ACACA: variants seen among roughly 807,000 people sequenced by gnomAD.
ACACA encodes the protein acetyl-CoA carboxylase alpha.
ACACA carries 103 observed loss-of-function variants against 296.1 expected under a neutral mutation model. The ratio of observed to expected loss-of-function variants is 0.35; its 90% CI spans 0.30 to 0.41. ACACA has a LOEUF of 0.41. Among genes scored for constraint, ACACA ranks in the 10% least tolerant of loss-of-function variants. The probability of loss-of-function intolerance (pLI) is 1.00; values close to 1 mark genes in which losing one functional copy is unlikely to be tolerated. For missense variants in ACACA, 1,554 were observed against 2,989.7 expected, an observed-to-expected ratio of 0.52 and a Z score of 11.20; for synonymous variants, 953 against 1,038.6, an observed-to-expected ratio of 0.92 and a Z score of 1.58.
At chr17:37,248,530 C>T in intron 17 of ACACA, 63 bp downstream of exon 17, 1 of 1,273,130 alleles carries the variant, frequency 7.9e-7, no homozygotes, top group Admixed American at 1.7e-5. Context: ...TTTCTCCTGC[C>T]TCTCAACCTA....
chr17:37,311,749 G>C (rs992046700), intron 3 of ACACA, among the ~76,000 whole-genome samples: 2 of 151,894 alleles, frequency 1.3e-5, no homozygotes, highest in African/African-American at 4.8e-5. Flanking sequence ...GCGCGCACCT[G>C]TAATCCCAGC....
At chr17:37,230,010 G>T (rs1318300478) in intron 25 of ACACA, among the ~76,000 whole-genome samples, 1 of 151,938 alleles carries the variant, frequency 6.6e-6, no homozygotes, top group Non-Finnish European at 1.5e-5. Flanking sequence ...GCAGTGAGCT[G>T]AGATTGCGTC....
rs373164537 is a variant in ACACA at position 37,211,715 on chromosome 17, C to T, written c.3684-1225G>A. Among the ~76,000 whole-genome samples, 21 of 152,232 alleles carry T rather than the reference C, an allele frequency of 1.4e-4. No individual in the cohort carries two copies. In the East Asian group the frequency reaches 4.1e-3, roughly 29 times the overall value. On this transcript the variant is annotated intron_variant, in intron 29 of 55. Transcript: ENST00000616317. ...GAAGGAGCAGAATAGACTGAGCAGG[C>T]CATATAAATAAAAAGCTGTGACATA...
At chr17:37,333,013 G>A (rs1488078007) in intron 2 of ACACA, among the ~76,000 whole-genome samples, 1 of 151,866 alleles carries the variant, frequency 6.6e-6, no homozygotes, top group Non-Finnish European at 1.5e-5. Flanking sequence ...AAGTTCCTTT[G>A]TAGAAAAAGG....
intron 3 of ACACA, among the ~76,000 whole-genome samples, chr17:37,322,020 G>A (rs2047382300): frequency 6.6e-6 from 1 of 151,754 alleles, no homozygotes; most frequent in Admixed American, 6.6e-5. Flanking sequence ...TAGTATCATG[G>A]GAGAAACTTT....
At position 37,235,093 on chromosome 17, in the gene ACACA, T is replaced by C. The variant is rs756018152; in HGVS notation, c.3128A>G (p.Tyr1043Cys). 2 of 1,613,538 alleles carry C rather than the reference T, an allele frequency of 1.2e-6. No individual in the cohort carries two copies. Among genetic ancestry groups the C allele is most frequent in the Non-Finnish European group, 1.7e-6 (2 of 1,179,920 alleles). ...TCGGAGGGCGAATACACATTTGTCA[T>C]AGTGACCTGCACACCATGAAAAGAA... ...RVETQFQNGH[Y>C]DKCVFALREE... The change falls in exon 25 of 56, where the codon TAT becomes TGT. Residue 1043 changes from tyrosine to cysteine, a missense_variant. Transcript: ENST00000616317.
chr17:37,183,550 C>T (rs1288966956), intron 39 of ACACA, among the ~76,000 whole-genome samples: 2 of 152,064 alleles, frequency 1.3e-5, no homozygotes, highest in African/African-American at 2.4e-5. Context: ...ACTAGAGGGC[C>T]GGGCGCAGTG....
Position 37,245,167 on chromosome 17 carries a change from G to A in ACACA, c.2508C>T (p.Ile836=). The A allele has an allele frequency of 6.2e-7, 1 of 1,614,104 alleles. No individual in the cohort carries two copies. The highest frequency in any genetic ancestry group is 8.5e-7 in the Non-Finnish European group (1 of 1,180,004). ...CTGCTCCAGGTCGCTTGACGTAATG[G>A]ATACAGCCAGACTCCACAGCTGTTA... The part of the protein sequence containing the change: ...MTLTAVESGC[I]HYVKRPGAAL... The change falls in exon 20 of 56, where the codon ATC becomes ATT. Residue 836 remains isoleucine (I), a synonymous_variant. Coordinates refer to ENST00000616317, the MANE Select transcript of ACACA (RefSeq NM_198834.3).
chr17:37,203,724 C>G (rs1438217668), intron 33 of ACACA, among the ~76,000 whole-genome samples: 2 of 151,974 alleles, frequency 1.3e-5, no homozygotes, highest in Non-Finnish European at 2.9e-5. Context: ...GCCTGGGCAA[C>G]AAGAGTGAAA....
In ACACA at chr17:37,226,464, T is replaced by C. The variant is rs763580739; in HGVS notation, c.3247-12A>G. ...CCACACAACTGATCCTAATTGTTAA[T>C]GTAAAAAAGAACATAGATAGTCATA... On this transcript the variant is annotated splice_polypyrimidine_tract_variant and intron_variant, in intron 25 of 55. Transcript: ENST00000616317. The C allele has an allele frequency of 3.1e-6, 5 of 1,598,982 alleles. No homozygotes were observed. The South Asian group carries it at 3.3e-5, about 11-fold the overall frequency.
chr17:37,089,511 C>T (rs2072465201), intron 54 of ACACA, among the ~76,000 whole-genome samples: 2 of 152,172 alleles, frequency 1.3e-5, no homozygotes, highest in Non-Finnish European at 2.9e-5. Context: ...GACACAATGC[C>T]TAAAGTATAA....
chr17:37,241,524 G>C (rs576943616), intron 23 of ACACA, among the ~76,000 whole-genome samples: 4 of 152,060 alleles, frequency 2.6e-5, no homozygotes, highest in Non-Finnish European at 5.9e-5. Context: ...GGGCAACATG[G>C]CAAAACCCCA....
At chr17:37,222,056 G>A (rs2079319280) in intron 28 of ACACA, 1 of 576,804 alleles carries the variant, frequency 1.7e-6, no homozygotes, top group African/African-American at 1.9e-5. Flanking sequence ...ACAAAACTAG[G>A]CTGCCTCTGC....
At chr17:37,386,928 C>G (rs1017794723) in intron 1 of ACACA, 1 of 152,080 alleles carries the variant, frequency 6.6e-6, no homozygotes, top group African/African-American at 2.4e-5. Flanking sequence ...AGTGATCCCC[C>G]CACCTCAGCC....
chr17:37,211,348 T>C (rs2078740513), intron 29 of ACACA, among the ~76,000 whole-genome samples: 2 of 152,308 alleles, frequency 1.3e-5, no homozygotes, highest in South Asian at 4.1e-4. Context: ...AAGACCACGA[T>C]AAGAATAGGA....
chr17:37,144,119 A>G, intron 45 of ACACA: 1 of 759,650 alleles, frequency 1.3e-6, no homozygotes, highest in Admixed American at 1.7e-5. Context: ...ATATCTTCAA[A>G]TTTTCCCTTC....
At chr17:37,334,626 A>T (rs2048028048) in intron 2 of ACACA, among the ~76,000 whole-genome samples, 1 of 152,154 alleles carries the variant, frequency 6.6e-6, no homozygotes, top group African/African-American at 2.4e-5. Flanking sequence ...CTGCTCTTCA[A>T]ATGACAACCA....
intron 48 of ACACA, among the ~76,000 whole-genome samples, chr17:37,124,213 G>A (rs1449457813): frequency 6.6e-6 from 1 of 152,222 alleles, no homozygotes; most frequent in Non-Finnish European, 1.5e-5. Flanking sequence ...TTGTGAGTAT[G>A]TGTATACGTT....
intron 50 of ACACA, among the ~76,000 whole-genome samples, chr17:37,119,595 C>A (rs2074421357): frequency 4.5e-5 from 2 of 44,718 alleles, no homozygotes; most frequent in Non-Finnish European, 8.9e-5. Flanking sequence ...ACCAAACACA[C>A]ACACACACAC....
Sources: allele counts gnomAD v4.1 joint callset (sites outside exome capture counted in the v4.1 genomes callset), GRCh38; gene constraint gnomAD v4.1.1; transcripts MANE v1.5; gene names NCBI Gene and HGNC (gene_info 2026-07-23, HGNC 2026-07-21).